PSMD1: variants seen among roughly 807,000 people sequenced by gnomAD.
PSMD1 encodes 26S proteasome non-ATPase regulatory subunit 1.
In PSMD1, 18 loss-of-function variants were observed where a neutral mutation model predicts 119.0. The ratio of observed to expected loss-of-function variants is 0.15; its 90% CI spans 0.10 to 0.22. The LOEUF is 0.22. Among genes scored for constraint, PSMD1 ranks in the 10% least tolerant of loss-of-function variants. PSMD1 has a pLI of 1.00. For missense variants in PSMD1, 702 were observed against 1,158.5 expected (o/e 0.61, Z 5.72); for synonymous variants, 374 against 396.6 (o/e 0.94, Z 0.68).
intron 18 of PSMD1, among the ~76,000 whole-genome samples, chr2:231,149,896 A>C (rs908116882): frequency 2.0e-5 from 3 of 152,260 alleles, no homozygotes; most frequent in Admixed American, 2.0e-4. Context: ...TGGGGAAGTC[A>C]TGATAGCATC....
At chr2:231,093,911 T>TA (rs1280029425) in intron 16 of PSMD1, among the ~76,000 whole-genome samples, 18 of 152,294 alleles carry the variant, frequency 1.2e-4, no homozygotes, top group African/African-American at 4.3e-4. Flanking sequence ...GCCAGACCAT[T>TA]ATCAGTTTTA....
chr2:231,150,902 A>C (rs1384145509), intron 18 of PSMD1, among the ~76,000 whole-genome samples: 1 of 152,204 alleles, frequency 6.6e-6, no homozygotes, highest in East Asian at 1.9e-4. Context: ...CTCAGATGAT[A>C]AGTACCAACA....
At chr2:231,077,201 T>G in intron 9 of PSMD1, 39 bp downstream of exon 9, 1 of 1,323,956 alleles carries the variant, frequency 7.6e-7, no homozygotes, top group Non-Finnish European at 1.0e-6. Context: ...TTAAAAAATA[T>G]TTAGTTCTTT....
At chr2:231,077,600 A>G (rs973364734) in intron 9 of PSMD1, among the ~76,000 whole-genome samples, 13 of 152,026 alleles carry the variant, frequency 8.6e-5, no homozygotes, top group African/African-American at 1.9e-4. Flanking sequence ...CCATTGAACT[A>G]TGATCTCCTT....
intron 16 of PSMD1, among the ~76,000 whole-genome samples, chr2:231,091,271 G>C (rs1694582775): frequency 1.3e-5 from 2 of 152,332 alleles, no homozygotes; most frequent in Middle Eastern, 3.4e-3. Flanking sequence ...CTGGAGACAA[G>C]AGTAAACAAG....
At chr2:231,146,679 T>C (rs1696260609) in intron 18 of PSMD1, among the ~76,000 whole-genome samples, 1 of 152,248 alleles carries the variant, frequency 6.6e-6, no homozygotes, top group African/African-American at 2.4e-5. Context: ...TTCAGTGGGA[T>C]AACTTTTTCC....
intron 5 of PSMD1, among the ~76,000 whole-genome samples, chr2:231,067,801 C>T (rs184170535): frequency 6.6e-6 from 1 of 152,198 alleles, no homozygotes; most frequent in Non-Finnish European, 1.5e-5. Flanking sequence ...GGATTACAGG[C>T]GTGTGCCACC....
Position 231,062,281 on chromosome 2 carries a change from A to C in PSMD1, c.94A>C (p.Asn32His), listed in dbSNP as rs1559215446. Residue 32 changes from asparagine (N) to histidine (H), a missense_variant, in exon 3 of 25, where the codon AAT (asparagine) becomes CAT (histidine). This residue lies in a region of PSMD1 where 60 missense variants were observed against 118.2 expected (regional missense o/e 0.51). Coordinates refer to ENST00000308696, the MANE Select transcript of PSMD1 (RefSeq NM_002807.4). ...ACTACACAAATTGAATGCAGTTGTT[A>C]ATGACTTCTGGGCAGAAATTTCCGA... ...FALHKLNAVV[N>H]DFWAEISESV... 2 of 1,613,306 alleles carry C rather than the reference A, an allele frequency of 1.2e-6. No individual in the cohort carries two copies. The highest frequency in any genetic ancestry group is 2.2e-5 in the East Asian group (1 of 44,864).
chr2:231,073,123 C>T (rs1053196401), intron 7 of PSMD1, among the ~76,000 whole-genome samples: 15 of 151,952 alleles, frequency 9.9e-5, no homozygotes, highest in Admixed American at 6.6e-4. Context: ...GGGGAATGAC[C>T]GGTGTGTGGA....
At chr2:231,127,039 G>A (rs1035934787) in intron 16 of PSMD1, among the ~76,000 whole-genome samples, 4 of 151,654 alleles carry the variant, frequency 2.6e-5, no homozygotes, top group African/African-American at 4.8e-5. Context: ...GCACACACAC[G>A]CACAGACGTA....
intron 16 of PSMD1, among the ~76,000 whole-genome samples, chr2:231,105,245 T>G (rs1694949750): frequency 6.6e-6 from 1 of 152,228 alleles, no homozygotes; most frequent in Non-Finnish European, 1.5e-5. Flanking sequence ...TATTCTTGCT[T>G]AATTGAAATG....
At chr2:231,110,814 G>A (rs1695134105) in intron 16 of PSMD1, among the ~76,000 whole-genome samples, 1 of 152,222 alleles carries the variant, frequency 6.6e-6, no homozygotes, top group Non-Finnish European at 1.5e-5. Context: ...CATATTGTCT[G>A]TGGCTGCTTT....
At chr2:231,058,003 C>T (rs1250981998) in intron 1 of PSMD1, among the ~76,000 whole-genome samples, 1 of 152,184 alleles carries the variant, frequency 6.6e-6, no homozygotes, top group Non-Finnish European at 1.5e-5. Flanking sequence ...GCGATCAAAA[C>T]TTTATTTTTA....
chr2:231,132,220 T>G (rs568101152), intron 16 of PSMD1, among the ~76,000 whole-genome samples: 5 of 152,340 alleles, frequency 3.3e-5, no homozygotes, highest in African/African-American at 1.2e-4. Flanking sequence ...GTGGTTGGTT[T>G]AAGAATAGTA....
chr2:231,129,383 A>G (rs1054917388), intron 16 of PSMD1, among the ~76,000 whole-genome samples: 4 of 152,170 alleles, frequency 2.6e-5, no homozygotes, highest in East Asian at 1.9e-4. Flanking sequence ...TAAGAGCTCT[A>G]TTTATTATGG....
intron 16 of PSMD1, among the ~76,000 whole-genome samples, chr2:231,127,274 CAA>C (rs774471116): frequency 5.2e-5 from 6 of 115,716 alleles, no homozygotes; most frequent in Admixed American, 8.6e-5. Context: ...ACAACAACAA[CAA>C]AAAAAAAAAA....
In PSMD1 at chr2:231,131,824, A is replaced by G. The variant is rs562570676; in HGVS notation, c.1884-6912A>G. ...TGCCCTTTTAGAGTTGCCTGCTGAA[A>G]CATTGAAATAAACATATAAGAATAT... On this transcript the variant is annotated intron_variant, in intron 16 of 24. Transcript: ENST00000308696. Among the ~76,000 whole-genome samples the G allele has an allele frequency of 2.0e-5, 3 of 152,206 alleles. No homozygotes were observed. In the East Asian group the frequency reaches 5.8e-4, roughly 29 times the overall value.
intron 16 of PSMD1, among the ~76,000 whole-genome samples, chr2:231,104,903 T>C (rs540409654): frequency 1.1e-4 from 16 of 152,270 alleles, no homozygotes; most frequent in African/African-American, 3.4e-4. Flanking sequence ...GCTCTCCATC[T>C]TTTTTCCCCC....
Position 231,153,584 on chromosome 2 carries a change from G to A in PSMD1, c.2136G>A (p.Leu712=), listed in dbSNP as rs1382587193. 6.2e-7 allele frequency: 1 copy of A among 1,613,370 alleles called. No individual in the cohort carries two copies. ...TTCAGGTGAATCAGTTCAGACAGCT[G>A]TATTCCAAAGTCATCAATGATAAGC... The part of the protein sequence containing the change: ...TCPKVNQFRQ[L]YSKVINDKHD... Residue 712 remains leucine, a synonymous_variant, in exon 19 of 25, where the codon CTG becomes CTA. Coordinates refer to ENST00000308696, the MANE Select transcript of PSMD1 (RefSeq NM_002807.4).
Sources: allele counts gnomAD v4.1 joint callset (sites outside exome capture counted in the v4.1 genomes callset), GRCh38; gene constraint gnomAD v4.1.1; regional missense constraint gnomAD v4.1.1; transcripts MANE v1.5; gene names NCBI Gene and HGNC (gene_info 2026-07-23, HGNC 2026-07-21).